Variants in PARD3B observed in about 807,000 individuals in gnomAD.
PARD3B encodes partitioning defective 3 homolog B.
Under a neutral mutation model 130.2 loss-of-function variants are expected in PARD3B, and 103 were observed. The ratio of observed to expected loss-of-function variants is 0.79; its 90% CI spans 0.67 to 0.93. The LOEUF is 0.93. Ranked by LOEUF, PARD3B falls within the 40% of genes least tolerant of loss-of-function variation. PARD3B has a pLI of 0.00. For missense variants in PARD3B, 1,609 were observed against 1,499.2 expected (o/e 1.07, Z -1.21); for synonymous variants, 583 against 553.2 (o/e 1.05, Z -0.76).
intron 2 of PARD3B, among the ~76,000 whole-genome samples, chr2:204,924,709 G>A (rs1473653673): frequency 2.6e-5 from 4 of 152,008 alleles, no homozygotes; most frequent in Non-Finnish European, 5.9e-5. Flanking sequence ...AGCTTTTGGG[G>A]AGCTTTAAAT....
At chr2:204,916,259 A>G (rs2047439072) in intron 2 of PARD3B, among the ~76,000 whole-genome samples, 1 of 152,232 alleles carries the variant, frequency 6.6e-6, no homozygotes, top group African/African-American at 2.4e-5. Context: ...GTGAAACAGA[A>G]AACATTATTT....
At chr2:205,035,160 G>C (rs1697727133) in intron 3 of PARD3B, among the ~76,000 whole-genome samples, 2 of 152,014 alleles carry the variant, frequency 1.3e-5, no homozygotes, top group African/African-American at 4.8e-5. Context: ...ATCACACCTG[G>C]CCAGCCATGT....
At chr2:204,706,964 G>A (rs1471788264) in intron 2 of PARD3B, among the ~76,000 whole-genome samples, 1 of 152,184 alleles carries the variant, frequency 6.6e-6, no homozygotes, top group African/African-American at 2.4e-5. Context: ...TGGAATAATG[G>A]ATAAGGGATT....
intron 18 of PARD3B, among the ~76,000 whole-genome samples, chr2:205,379,295 T>C (rs2045210840): frequency 1.3e-5 from 2 of 152,148 alleles, no homozygotes; most frequent in South Asian, 2.1e-4. Context: ...TCATGGAGAT[T>C]AATATTGACA....
chr2:205,144,367 T>C (rs534498659), intron 10 of PARD3B, among the ~76,000 whole-genome samples: 1 of 152,322 alleles, frequency 6.6e-6, no homozygotes, highest in South Asian at 2.1e-4. Flanking sequence ...ATTGTGCATA[T>C]CATAATTTGG....
intron 1 of PARD3B, among the ~76,000 whole-genome samples, chr2:204,547,830 A>G (rs1477427411): frequency 6.6e-6 from 1 of 152,196 alleles, no homozygotes; most frequent in African/African-American, 2.4e-5. Flanking sequence ...TATTTAATTC[A>G]CTATAATTTG....
At chr2:205,172,800 CT>C (rs2035249343) in intron 12 of PARD3B, among the ~76,000 whole-genome samples, 2 of 152,246 alleles carry the variant, frequency 1.3e-5, no homozygotes, top group South Asian at 4.1e-4. Context: ...TAATGCAGAC[CT>C]GAGACTTAAC....
At chr2:204,685,346 G>A (rs2037024738) in intron 1 of PARD3B, among the ~76,000 whole-genome samples, 1 of 152,062 alleles carries the variant, frequency 6.6e-6, no homozygotes, top group Admixed American at 6.6e-5. Flanking sequence ...CCTTACTCAT[G>A]TTTTTCTTCA....
At chr2:205,031,002 AGCTACTTTTGAAAGT>A (rs1697378969) in intron 3 of PARD3B, among the ~76,000 whole-genome samples, 1 of 152,194 alleles carries the variant, frequency 6.6e-6, no homozygotes. Context: ...ACCATTTAAA[AGCTACTTTTGAAAGT>A]GACCAAGGTC....
chr2:205,517,401 A>G (rs1006608169), intron 21 of PARD3B, among the ~76,000 whole-genome samples: 1 of 151,784 alleles, frequency 6.6e-6, no homozygotes, highest in Non-Finnish European at 1.5e-5. Flanking sequence ...GGTTATTTTT[A>G]TTTCTGTGGG....
rs2047277049 is a variant in PARD3B, at chr2:205,430,061, CACA to C, written c.2742-10302_2742-10300del. On this transcript the variant is annotated intron_variant, in intron 19 of 22. Transcript: ENST00000406610. ...CTATATGGATAATCCAAGATAATCT[CACA>C]ACAACATCTTAAACTTAATTACATG... Among the ~76,000 whole-genome samples the C allele has an allele frequency of 2.6e-5, 4 of 152,280 alleles. No individual in the cohort carries two copies. The South Asian group carries it at 8.3e-4, about 32-fold the overall frequency.
intron 5 of PARD3B, among the ~76,000 whole-genome samples, chr2:205,108,608 A>G (rs1703400463): frequency 6.6e-6 from 1 of 151,552 alleles, no homozygotes; most frequent in Non-Finnish European, 1.5e-5. Context: ...GTGCATGCCC[A>G]CTCCATCCCC....
intron 12 of PARD3B, among the ~76,000 whole-genome samples, chr2:205,174,267 G>A (rs1274296574): frequency 2.0e-5 from 3 of 152,138 alleles, no homozygotes; most frequent in Non-Finnish European, 4.4e-5. Flanking sequence ...CCATGTTAAT[G>A]TAGATCACCA....
intron 20 of PARD3B, among the ~76,000 whole-genome samples, chr2:205,448,672 A>T (rs554321850): frequency 9.9e-5 from 15 of 152,248 alleles, no homozygotes; most frequent in East Asian, 3.9e-4. Context: ...AAGATCGTTG[A>T]TCAATGTCAA....
At chr2:205,018,771 T>C (rs1239416682) in intron 3 of PARD3B, among the ~76,000 whole-genome samples, 1 of 116,346 alleles carries the variant, frequency 8.6e-6, no homozygotes, top group Non-Finnish European at 1.8e-5. Flanking sequence ...TAATAAAATA[T>C]GCTTTTTGTT....
chr2:205,232,450 T>C (rs1451137124), intron 15 of PARD3B, among the ~76,000 whole-genome samples: 2 of 151,838 alleles, frequency 1.3e-5, no homozygotes, highest in Non-Finnish European at 2.9e-5. Flanking sequence ...AAGTTTTAAA[T>C]ACAAAAAGTG....
intron 2 of PARD3B, among the ~76,000 whole-genome samples, chr2:204,790,349 A>G (rs553222721): frequency 1.6e-4 from 25 of 152,284 alleles, no homozygotes; most frequent in Non-Finnish European, 2.2e-4. Context: ...TTTCATGAAG[A>G]GGGGTTTTTT....
intron 3 of PARD3B, among the ~76,000 whole-genome samples, chr2:204,987,802 T>TAGA (rs541498476): frequency 9.3e-4 from 142 of 152,302 alleles, no homozygotes; most frequent in African/African-American, 3.2e-3. Context: ...CAGAAAAAAT[T>TAGA]AGAAACATTA....
intron 15 of PARD3B, among the ~76,000 whole-genome samples, chr2:205,197,028 GGGGGGTGT>G (rs1223667687): frequency 2.1e-3 from 20 of 9,488 alleles, no homozygotes; most frequent in African/African-American, 0.012. Flanking sequence ...CACTGTGGGG[GGGGGGTGT>G]GTGTGTGTGT....
Sources: allele counts gnomAD v4.1 joint callset (sites outside exome capture counted in the v4.1 genomes callset), GRCh38; gene constraint gnomAD v4.1.1; transcripts MANE v1.5; gene names NCBI Gene and HGNC (gene_info 2026-07-23, HGNC 2026-07-21).